The following RBFOX1 variants were observed in gnomAD, a reference collection of about 807,000 sequenced individuals.
RBFOX1 encodes the protein RNA binding protein fox-1 homolog 1.
RBFOX1 carries 8 observed loss-of-function variants against 57.7 expected under a neutral mutation model. That is an observed-to-expected ratio of 0.14 (90% confidence interval 0.08 to 0.25). RBFOX1 has a LOEUF of 0.25. Ranked by LOEUF, RBFOX1 falls within the 10% of genes least tolerant of loss-of-function variation. The pLI, the probability that RBFOX1 is intolerant of heterozygous loss-of-function variation, is 1.00. For synonymous variants in RBFOX1, 326 were observed against 222.4 expected, an observed-to-expected ratio of 1.47 and a Z score of -4.15; for missense variants, 611 against 548.5, an observed-to-expected ratio of 1.11 and a Z score of -1.14.
chr16:6,494,288 G>C (rs1320043181), intron 2 of RBFOX1, among the ~76,000 whole-genome samples: 1 of 152,092 alleles, frequency 6.6e-6, no homozygotes, highest in South Asian at 2.1e-4. Flanking sequence ...TCGTGTGTAG[G>C]TTTCTGTATC....
chr16:7,502,781 T>G (rs1283818576), intron 4 of RBFOX1, among the ~76,000 whole-genome samples: 1 of 152,178 alleles, frequency 6.6e-6, no homozygotes, highest in Non-Finnish European at 1.5e-5. Context: ...CCCAGAACTT[T>G]GAAAGGCCAA....
At chr16:7,656,127 C>G (rs2066241754) in intron 12 of RBFOX1, among the ~76,000 whole-genome samples, 1 of 152,216 alleles carries the variant, frequency 6.6e-6, no homozygotes, top group Non-Finnish European at 1.5e-5. Context: ...TAAAGCCATA[C>G]TTGGAAGCAA....
chr16:7,702,666 G>T (rs2081141427), intron 14 of RBFOX1, among the ~76,000 whole-genome samples: 1 of 152,146 alleles, frequency 6.6e-6, no homozygotes, highest in African/African-American at 2.4e-5. Context: ...GCCAATATTG[G>T]CTGTGACTCC....
chr16:7,688,182 C>T lies in RBFOX1; in HGVS notation c.995+11344C>T, dbSNP rs752832479. On this transcript the variant is annotated intron_variant, in intron 14 of 15. Coordinates refer to ENST00000550418, the MANE Select transcript of RBFOX1 (RefSeq NM_018723.4). ...CCAGGCCAGAAGACCAACTTCTCAG[C>T]TGTAGGGATTGCCTAGTAGGCATCC... Among the ~76,000 whole-genome samples the T allele has an allele frequency of 4.7e-5, 7 of 149,804 alleles. No individual in the cohort carries two copies. In the South Asian group the frequency reaches 6.3e-4, roughly 14 times the overall value.
At chr16:5,915,108 A>G (rs928183863) in intron 4 of RBFOX1, among the ~76,000 whole-genome samples, 1 of 152,094 alleles carries the variant, frequency 6.6e-6, no homozygotes, top group African/African-American at 2.4e-5. Flanking sequence ...CACTGTGGAT[A>G]TTTTAGAGGC....
intron 1 of RBFOX1, among the ~76,000 whole-genome samples, chr16:6,274,142 G>GATA (rs2075539670): frequency 1.3e-5 from 2 of 152,174 alleles, no homozygotes; most frequent in Admixed American, 1.3e-4. Context: ...ATATAGTGGA[G>GATA]CAGTTTCTTT....
At chr16:7,171,712 T>G (rs918761716) in intron 4 of RBFOX1, among the ~76,000 whole-genome samples, 1 of 152,250 alleles carries the variant, frequency 6.6e-6, no homozygotes, top group Admixed American at 6.5e-5. Context: ...AGCTTGTGTT[T>G]TCTGAACAGC....
At chr16:6,894,142 G>C (rs944530845) in intron 3 of RBFOX1, among the ~76,000 whole-genome samples, 5 of 152,154 alleles carry the variant, frequency 3.3e-5, no homozygotes, top group African/African-American at 9.7e-5. Flanking sequence ...GAGATAGAAT[G>C]ATCTATAATT....
chr16:5,358,737 G>A (rs1012026618), intron 1 of RBFOX1, among the ~76,000 whole-genome samples: 8 of 152,232 alleles, frequency 5.3e-5, no homozygotes, highest in Admixed American at 1.3e-4. Context: ...TGAGGCAGGA[G>A]AATCGCTTGA....
intron 1 of RBFOX1, among the ~76,000 whole-genome samples, chr16:5,415,357 A>C (rs954998186): frequency 6.6e-6 from 1 of 152,174 alleles, no homozygotes; most frequent in African/African-American, 2.4e-5. Context: ...CGAGAACAGC[A>C]TAGGGAAAAC....
rs528882895 is a variant in RBFOX1, at chr16:6,892,676, C to T, written c.-15-159381C>T. ...CAGAGCAGGGCTGTCTCGAAACAAA[C>T]AAACAAAAAAGCCTGAGAGTGAAGT... On this transcript the variant is annotated intron_variant, in intron 3 of 15. Coordinates refer to ENST00000550418, the MANE Select transcript of RBFOX1 (RefSeq NM_018723.4). Among the ~76,000 whole-genome samples, 171 of 144,370 alleles carry T rather than the reference C, an allele frequency of 1.2e-3. 6 individuals carry two copies. In the South Asian group the frequency reaches 0.037, roughly 31 times the overall value. The allele number at this position is 144,370 out of a possible 152,430, so 94.7% of individuals were successfully genotyped here.
At chr16:7,138,835 G>A in intron 4 of RBFOX1, among the ~76,000 whole-genome samples, 1 of 152,146 alleles carries the variant, frequency 6.6e-6, no homozygotes, top group East Asian at 1.9e-4. Flanking sequence ...ATAAGATGGA[G>A]TCTGGCTCTG....
intron 3 of RBFOX1, among the ~76,000 whole-genome samples, chr16:6,913,434 C>G (rs1201966349): frequency 2.0e-5 from 3 of 152,150 alleles, no homozygotes; most frequent in Non-Finnish European, 4.4e-5. Flanking sequence ...CATCTTTCCT[C>G]TCATATCCCC....
At chr16:6,360,774 G>T (rs577943738) in intron 2 of RBFOX1, among the ~76,000 whole-genome samples, 1 of 152,136 alleles carries the variant, frequency 6.6e-6, no homozygotes, top group Admixed American at 6.5e-5. Flanking sequence ...AGATGACTAA[G>T]GATGGGGCCA....
intron 1 of RBFOX1, among the ~76,000 whole-genome samples, chr16:6,276,342 CT>C (rs541018592): frequency 1.3e-5 from 2 of 150,932 alleles, no homozygotes; most frequent in East Asian, 2.0e-4. Flanking sequence ...TATTGAGAGT[CT>C]TTTTTTTTGT....
chr16:5,856,575 G>GTGCATATATATATA (rs1192496608), intron 3 of RBFOX1, among the ~76,000 whole-genome samples: 11 of 32,926 alleles, frequency 3.3e-4, no homozygotes, highest in Non-Finnish European at 4.0e-4. Flanking sequence ...GTGTGTGTGT[G>GTGCATATATATATA]TATATATATA....
At chr16:6,736,169 TATTA>T (rs2070235448) in intron 3 of RBFOX1, among the ~76,000 whole-genome samples, 1 of 152,168 alleles carries the variant, frequency 6.6e-6, no homozygotes, top group Non-Finnish European at 1.5e-5. Flanking sequence ...TATTTTATTT[TATTA>T]ATTTTTTAAA....
At chr16:6,301,002 T>C (rs2078757106) in intron 1 of RBFOX1, among the ~76,000 whole-genome samples, 1 of 152,310 alleles carries the variant, frequency 6.6e-6, no homozygotes, top group South Asian at 2.1e-4. Flanking sequence ...AATGAGTGGA[T>C]GTGCACATTA....
In RBFOX1 at chr16:7,676,776, T is replaced by C. The variant is rs775318701; in HGVS notation, c.933T>C (p.Gly311=). 52 of 1,612,360 alleles carry C rather than the reference T, an allele frequency of 3.2e-5. No homozygotes were observed. Among genetic ancestry groups the C allele is most frequent in the Non-Finnish European group, 4.4e-5 (52 of 1,178,956 alleles). ...TCACATTTCTCCTTGTGTTTTAGGG[T>C]GGTTATGCTGCATACCGCTACGCCC... ...QDGFYGADIY[G]GYAAYRYAQP... The change falls in exon 14 of 16, where the codon GGT becomes GGC. Residue 311 remains glycine (G), a splice_region_variant and synonymous_variant. Coordinates refer to ENST00000550418, the MANE Select transcript of RBFOX1 (RefSeq NM_018723.4).
Sources: allele counts gnomAD v4.1 joint callset (sites outside exome capture counted in the v4.1 genomes callset), GRCh38; gene constraint gnomAD v4.1.1; transcripts MANE v1.5; gene names NCBI Gene and HGNC (gene_info 2026-07-23, HGNC 2026-07-21).